The following PCSK6 variants were observed in gnomAD, a reference collection of about 807,000 sequenced individuals.
The protein encoded by PCSK6 is proprotein convertase subtilisin/kexin type 6.
In PCSK6, 85 loss-of-function variants were observed where a neutral mutation model predicts 123.3. The ratio of observed to expected loss-of-function variants is 0.69; its 90% CI spans 0.58 to 0.83. The LOEUF is 0.83. PCSK6 is among the 40% of genes least tolerant of loss of function. The probability of loss-of-function intolerance (pLI) is 0.00; values close to 1 mark genes in which losing one functional copy is unlikely to be tolerated. For missense variants in PCSK6, 1,191 were observed against 1,282.3 expected, an observed-to-expected ratio of 0.93 and a Z score of 1.09; for synonymous variants, 508 against 516.0, an observed-to-expected ratio of 0.98 and a Z score of 0.21.
At chr15:101,353,109 A>G (rs909291855) in intron 13 of PCSK6, among the ~76,000 whole-genome samples, 3 of 152,158 alleles carry the variant, frequency 2.0e-5, no homozygotes, top group Non-Finnish European at 4.4e-5. Context: ...ATTGTAAAAC[A>G]TAAGGAAATA....
rs759039949 is a variant in PCSK6 at position 101,398,586 on chromosome 15, C to T, written c.824-10G>A. ...TCCAGCATGCGGATGCCTGAAAGCA[C>T]AGAGGAGGCTCGGTGTCGGCGCCCA... On this transcript the variant is annotated splice_polypyrimidine_tract_variant and intron_variant, in intron 6 of 21. Coordinates refer to ENST00000611716, the MANE Select transcript of PCSK6 (RefSeq NM_002570.5). The surrounding 1 kb of genome is among the most constrained non-coding windows in gnomAD (Gnocchi z 4.6). The T allele has an allele frequency of 1.0e-5, 16 of 1,605,130 alleles. No individual in the cohort carries two copies. The highest frequency in any genetic ancestry group is 1.0e-5 in the Non-Finnish European group (12 of 1,174,538).
intron 6 of PCSK6, among the ~76,000 whole-genome samples, chr15:101,425,941 G>A (rs186393230): frequency 1.4e-4 from 21 of 152,276 alleles, no homozygotes; most frequent in Middle Eastern, 6.8e-3. Context: ...CTAAACCAGC[G>A]CTTCTCACAT....
intron 6 of PCSK6, among the ~76,000 whole-genome samples, chr15:101,413,423 G>A (rs2055775782): frequency 6.6e-6 from 1 of 151,744 alleles, no homozygotes; most frequent in African/African-American, 2.4e-5. Flanking sequence ...TATAAACCAA[G>A]TGAGATTTTA....
chr15:101,439,200 G>A (rs954934168), intron 2 of PCSK6, among the ~76,000 whole-genome samples: 18 of 152,228 alleles, frequency 1.2e-4, no homozygotes, highest in Non-Finnish European at 2.2e-4. Flanking sequence ...AGGAGAGGCC[G>A]CTGGCACTGC....
chr15:101,420,088 G>C (rs1435315186), intron 6 of PCSK6, among the ~76,000 whole-genome samples: 1 of 151,656 alleles, frequency 6.6e-6, no homozygotes, highest in Non-Finnish European at 1.5e-5. Flanking sequence ...GTACTCGGGA[G>C]GCTGAGGCAG....
At chr15:101,346,589 C>T (rs777143205) in intron 13 of PCSK6, 66 of 373,988 alleles carry the variant, frequency 1.8e-4, no homozygotes, top group Non-Finnish European at 2.8e-4. Flanking sequence ...ACACACTTAT[C>T]TATTCTGGGG....
intron 2 of PCSK6, among the ~76,000 whole-genome samples, chr15:101,434,925 T>C (rs982767233): frequency 3.3e-5 from 5 of 152,150 alleles, no homozygotes; most frequent in African/African-American, 1.2e-4. Flanking sequence ...TTTTCCAGGT[T>C]CACCTTCCCC....
At chr15:101,350,625 C>T (rs1210365798) in intron 13 of PCSK6, among the ~76,000 whole-genome samples, 1 of 152,152 alleles carries the variant, frequency 6.6e-6, no homozygotes, top group East Asian at 1.9e-4. Context: ...CTGAGCCGGC[C>T]CTGGGAAGAA....
intron 15 of PCSK6, among the ~76,000 whole-genome samples, chr15:101,327,344 G>A (rs1216938794): frequency 1.3e-5 from 2 of 152,184 alleles, no homozygotes; most frequent in Admixed American, 1.3e-4. Flanking sequence ...CAGTGTTAAA[G>A]GTCTACCCGT....
At chr15:101,397,940 G>T (rs750806285) in intron 7 of PCSK6, among the ~76,000 whole-genome samples, 3 of 152,218 alleles carry the variant, frequency 2.0e-5, no homozygotes, top group Admixed American at 1.3e-4. Context: ...GGGACACCCC[G>T]ACCACTGCTT....
intron 1 of PCSK6, among the ~76,000 whole-genome samples, chr15:101,486,844 A>C (rs559919698): frequency 6.6e-6 from 1 of 152,362 alleles, no homozygotes; most frequent in African/African-American, 2.4e-5. Context: ...CTAATTGCCC[A>C]TTAAGGGCTT....
chr15:101,372,109 G>A (rs537553237), intron 11 of PCSK6, among the ~76,000 whole-genome samples: 1 of 152,236 alleles, frequency 6.6e-6, no homozygotes, highest in East Asian at 1.9e-4. Context: ...CCAATTCCAG[G>A]CCATTAGGGT....
intron 11 of PCSK6, among the ~76,000 whole-genome samples, chr15:101,379,165 G>T (rs1361259297): frequency 6.6e-6 from 1 of 152,260 alleles, no homozygotes; most frequent in Admixed American, 6.5e-5. Flanking sequence ...CATGCAGAAG[G>T]GGTAGCCCAT....
At chr15:101,420,572 C>T (rs1208683961) in intron 6 of PCSK6, among the ~76,000 whole-genome samples, 1 of 152,060 alleles carries the variant, frequency 6.6e-6, no homozygotes, top group Non-Finnish European at 1.5e-5. Flanking sequence ...CTATGTTGAC[C>T]AGGTTGGTCT....
At chr15:101,441,675 G>A (rs2056757008) in intron 2 of PCSK6, among the ~76,000 whole-genome samples, 1 of 152,270 alleles carries the variant, frequency 6.6e-6, no homozygotes, top group Non-Finnish European at 1.5e-5. Context: ...ATTCTTGGAA[G>A]GCCTCATGGA....
intron 11 of PCSK6, among the ~76,000 whole-genome samples, chr15:101,378,024 C>T (rs1219346495): frequency 6.6e-6 from 1 of 152,184 alleles, no homozygotes; most frequent in Admixed American, 6.5e-5. Flanking sequence ...TCCCAGAAGC[C>T]TGGATTTTCA....
At chr15:101,415,335 T>C (rs963037562) in intron 6 of PCSK6, among the ~76,000 whole-genome samples, 1 of 152,208 alleles carries the variant, frequency 6.6e-6, no homozygotes, top group African/African-American at 2.4e-5. Flanking sequence ...CGGGGACGGG[T>C]AGACTGCCCT....
At chr15:101,423,713 T>G (rs1396839633) in intron 6 of PCSK6, among the ~76,000 whole-genome samples, 3 of 152,008 alleles carry the variant, frequency 2.0e-5, no homozygotes, top group Non-Finnish European at 2.9e-5. Flanking sequence ...TTAAGCAATC[T>G]AACAACTATA....
intron 13 of PCSK6, chr15:101,347,551 T>C (rs2040767239): frequency 2.9e-6 from 4 of 1,399,128 alleles, no homozygotes; most frequent in Non-Finnish European, 3.7e-6. Context: ...AGGTTCATGC[T>C]TGCACGCACA....
Sources: allele counts gnomAD v4.1 joint callset (sites outside exome capture counted in the v4.1 genomes callset), GRCh38; gene constraint gnomAD v4.1.1; non-coding constraint Gnocchi (gnomAD v3.1); transcripts MANE v1.5; gene names NCBI Gene and HGNC (gene_info 2026-07-23, HGNC 2026-07-21).